UPP1: variants seen among roughly 807,000 people sequenced by gnomAD.
UPP1 encodes the protein uridine phosphorylase 1, also known as UPase 1.
Under a neutral mutation model 29.6 loss-of-function variants are expected in UPP1, and 25 were observed. The ratio of observed to expected loss-of-function variants is 0.85; its 90% CI spans 0.62 to 1.18. The LOEUF (loss-of-function observed/expected upper bound fraction) is 1.18. Among genes scored for constraint, UPP1 ranks in the 50% most tolerant of loss-of-function variants. The pLI, the probability that UPP1 is intolerant of heterozygous loss-of-function variation, is 0.00. For missense variants in UPP1, 368 were observed against 410.4 expected (o/e 0.90, Z 0.89); for synonymous variants, 165 against 159.8 (o/e 1.03, Z -0.25).
At chr7:48,099,971 C>G (rs1792334095) in intron 4 of UPP1, among the ~76,000 whole-genome samples, 184 bp downstream of exon 4, 1 of 152,204 alleles carries the variant, frequency 6.6e-6, no homozygotes, top group South Asian at 2.1e-4. Flanking sequence ...GTAAAACTAT[C>G]CTAAGTAGTG....
In UPP1 at chr7:48,108,544, A is replaced by T; in HGVS notation, c.*187A>T. The T allele has an allele frequency of 4.6e-6, 3 of 652,388 alleles. No individual in the cohort carries two copies. The highest frequency in any genetic ancestry group is 3.8e-5 in the South Asian group (1 of 26,040). 40.4% of individuals were successfully genotyped at this position (652,388 alleles called of 1,614,324 possible). On this transcript the variant is annotated 3_prime_UTR_variant, in exon 9 of 9. Coordinates refer to ENST00000395564, the MANE Select transcript of UPP1 (RefSeq NM_003364.4). ...GTTCTTCCTTTTGAAGTTTCATTGG[A>T]GCATTTTCAATGATGTTAGCCTGAT... is the stretch of plus-strand genomic sequence containing the variant.
rs370931691 is a variant in UPP1, at chr7:48,099,738, A to G, written c.113A>G (p.Asn38Ser). ...KMKEDILYHF[N>S]LTTSRHNFPA... ...AAAGAAGATATTCTCTATCATTTCA[A>G]TCTCACCACTAGCAGACACAATTTC... is the stretch of plus-strand genomic sequence containing the variant. Residue 38 changes from asparagine (N) to serine (S), a missense_variant, in exon 4 of 9, where the codon AAT (asparagine) becomes AGT (serine). By Grantham distance (46) the Asn-to-Ser change is conservative. Transcript: ENST00000395564. 4.0e-5 allele frequency: 65 copies of G among 1,613,920 alleles called. No individual in the cohort carries two copies. Among genetic ancestry groups the G allele is most frequent in the South Asian group, 1.6e-4 (15 of 91,090 alleles).
chr7:48,089,579 T>TGCGCGGGGAGGCGGGCGCGCGGCC (rs1791702471), intron 1 of UPP1, 161 bp downstream of exon 1: 1 of 153,492 alleles, frequency 6.5e-6, no homozygotes, highest in Non-Finnish European at 1.4e-5. Flanking sequence ...CCGGCGCGGC[T>TGCGCGGGGAGGCGGGCGCGCGGCC]GCGCGGGGAG....
chr7:48,090,903 A>C (rs1260920723), intron 2 of UPP1, among the ~76,000 whole-genome samples: 1 of 152,160 alleles, frequency 6.6e-6, no homozygotes, highest in Non-Finnish European at 1.5e-5. Flanking sequence ...TACTTTCAGC[A>C]CTGGTGGGCA....
At chr7:48,093,572 G>A (rs778105607) in intron 2 of UPP1, among the ~76,000 whole-genome samples, 2 of 152,180 alleles carry the variant, frequency 1.3e-5, no homozygotes, top group Admixed American at 1.3e-4. Flanking sequence ...AGTTCAAAAC[G>A]TGAGTCTCAC....
Position 48,101,966 on chromosome 7 carries a change from C to A in UPP1, c.305C>A (p.Pro102Gln). The part of the protein sequence containing the change: ...TDRYAMYKVG[P>Q]VLSVSHGMGI... ...CGCTATGCCATGTATAAAGTAGGAC[C>A]GGTGCTGTCTGTCAGTGTGAGTACC... The change falls in exon 5 of 9, where the codon CCG becomes CAG. Residue 102 changes from proline to glutamine, a missense_variant. Physicochemically the swap from Pro to Gln is moderately conservative, Grantham distance 76. Coordinates refer to ENST00000395564, the MANE Select transcript of UPP1 (RefSeq NM_003364.4). 4 of 1,613,672 alleles carry A rather than the reference C, an allele frequency of 2.5e-6. No homozygotes were observed. The highest frequency in any genetic ancestry group is 3.4e-6 in the Non-Finnish European group (4 of 1,179,792).
At position 48,104,231 on chromosome 7, in the gene UPP1, CA is replaced by C. The variant is rs370709045; in HGVS notation, c.436+823del. On this transcript the variant is annotated intron_variant, in intron 6 of 8. Transcript: ENST00000395564. ...GACTCCATCTCAACAACAACAACAACAAACAAACAAACAAAAACCCCCACAA... is the reference window on the plus strand; with the variant it reads ...GACTCCATCTCAACAACAACAACAACAACAAACAAACAAAAACCCCCACAA... Among the ~76,000 whole-genome samples the C allele has an allele frequency of 4.6e-3, 704 of 152,006 alleles. 6 individuals are homozygous for C. The highest frequency in any genetic ancestry group is 0.016 in the African/African-American group (654 of 41,468).
Position 48,108,541 on chromosome 7 carries a change from T to A in UPP1, c.*184T>A. The A allele has an allele frequency of 1.5e-6, 1 of 663,968 alleles. No individual in the cohort carries two copies. The highest frequency in any genetic ancestry group is 2.3e-6 in the Non-Finnish European group (1 of 443,332). 41.1% of individuals were successfully genotyped at this position (663,968 alleles called of 1,614,324 possible). A position where few individuals can be genotyped will look rare whatever the true frequency, so the allele number is the denominator to read the frequency against. ...GATGTTCTTCCTTTTGAAGTTTCATTGGAGCATTTTCAATGATGTTAGCCT... is the reference window on the plus strand; with the variant it reads ...GATGTTCTTCCTTTTGAAGTTTCATAGGAGCATTTTCAATGATGTTAGCCT... On this transcript the variant is annotated 3_prime_UTR_variant, in exon 9 of 9. Transcript: ENST00000395564.
In UPP1 at chr7:48,108,340, A is replaced by G; in HGVS notation, c.916A>G (p.Lys306Glu). ...GCTGGTGAGCTACTTCATCAAGAAG[A>G]AACTGAGCAAGGCCTGAGCGCTGCC... ...QRLVSYFIKK[K>E]LSKA The change falls in exon 9 of 9, where the codon AAA (lysine) becomes GAA (glutamate). Residue 306 changes from lysine (K) to glutamate (E), a missense_variant. Transcript: ENST00000395564. The G allele has an allele frequency of 6.2e-7, 1 of 1,613,960 alleles. No individual in the cohort carries two copies. The highest frequency in any genetic ancestry group is 8.5e-7 in the Non-Finnish European group (1 of 1,179,856).
At chr7:48,094,438 A>G (rs1792017231) in intron 2 of UPP1, among the ~76,000 whole-genome samples, 1 of 151,688 alleles carries the variant, frequency 6.6e-6, no homozygotes, top group African/African-American at 2.4e-5. Context: ...CTTGTCTTGA[A>G]CTCATGATCT....
chr7:48,097,297 G>C (rs1792174694), intron 3 of UPP1, among the ~76,000 whole-genome samples: 1 of 151,880 alleles, frequency 6.6e-6, no homozygotes, highest in South Asian at 2.1e-4. Flanking sequence ...GCAGTGGTGT[G>C]ATCAGGGCTC....
At chr7:48,091,887 G>A (rs1263667420) in intron 2 of UPP1, among the ~76,000 whole-genome samples, 3 of 152,310 alleles carry the variant, frequency 2.0e-5, no homozygotes, top group Non-Finnish European at 4.4e-5. Flanking sequence ...TGGTTTCTCT[G>A]GTTCAGAGTA....
At chr7:48,107,289 C>A in intron 7 of UPP1, 72 bp from the exon 8 acceptor site, 1 of 1,541,944 alleles carries the variant, frequency 6.5e-7, no homozygotes, top group Non-Finnish European at 8.8e-7. Context: ...TCCTTCTGGG[C>A]ATCAGTGGCG....
chr7:48,102,069 C>T (rs1345422330), intron 5 of UPP1, 87 bp downstream of exon 5: 5 of 1,427,482 alleles, frequency 3.5e-6, no homozygotes, highest in Non-Finnish European at 4.7e-6. Context: ...CAGCTGGTCC[C>T]CTAACACCTG....
At chr7:48,098,430 C>G (rs1002575032) in intron 3 of UPP1, among the ~76,000 whole-genome samples, 1 of 152,058 alleles carries the variant, frequency 6.6e-6, no homozygotes, top group Admixed American at 6.5e-5. Context: ...TGGTGTGTTA[C>G]GTGGGATTCA....
At chr7:48,095,924 G>T (rs1792106371) in intron 3 of UPP1, among the ~76,000 whole-genome samples, 1 of 152,162 alleles carries the variant, frequency 6.6e-6, no homozygotes, top group African/African-American at 2.4e-5. Context: ...TGGGATTACG[G>T]GCGTGAGCCA....
chr7:48,104,433 C>T (rs995242271), intron 6 of UPP1, among the ~76,000 whole-genome samples: 5 of 152,124 alleles, frequency 3.3e-5, no homozygotes, highest in Non-Finnish European at 5.9e-5. Flanking sequence ...CTGCTCCCAC[C>T]GAGGTGTTCA....
At chr7:48,101,673 C>A in intron 4 of UPP1, 151 bp from the exon 5 acceptor site, 1 of 868,008 alleles carries the variant, frequency 1.2e-6, no homozygotes. Flanking sequence ...GATTCCTGGG[C>A]CCCTTAGATT....
chr7:48,090,313 G>A lies in UPP1; in HGVS notation c.-73G>A, dbSNP rs1175075475. On this transcript the variant is annotated 5_prime_UTR_variant, in exon 2 of 9. Transcript: ENST00000395564. ...GGCAGGACACTGCCTGGAACGCCTGGAGCGCCTCCCACTGCAGACGTCTGT... is the reference window on the plus strand; with the variant it reads ...GGCAGGACACTGCCTGGAACGCCTGAAGCGCCTCCCACTGCAGACGTCTGT... 6.6e-6 allele frequency: 1 copy of A among 152,266 alleles called. No homozygotes were observed. Among genetic ancestry groups the A allele is most frequent in the Non-Finnish European group, 1.5e-5 (1 of 68,058 alleles). The allele number at this position is 152,266 out of a possible 1,614,324, so 9.4% of individuals were successfully genotyped here.
Sources: allele counts gnomAD v4.1 joint callset (sites outside exome capture counted in the v4.1 genomes callset), GRCh38; gene constraint gnomAD v4.1.1; transcripts MANE v1.5; gene names NCBI Gene and HGNC (gene_info 2026-07-23, HGNC 2026-07-21).